Variants in TEX9 observed in about 807,000 individuals in gnomAD.
TEX9 encodes testis expressed 9.
A neutral mutation model predicts 59.6 loss-of-function variants in TEX9; 74 were observed. The ratio of observed to expected loss-of-function variants is 1.24; its 90% CI spans 1.03 to 1.51. The LOEUF (loss-of-function observed/expected upper bound fraction) is 1.51. Among genes scored for constraint, TEX9 ranks in the 40% most tolerant of loss-of-function variants. TEX9 has a pLI of 0.00. For missense variants in TEX9, 522 were observed against 447.8 expected (o/e 1.17, Z -1.49); for synonymous variants, 186 against 152.2 (o/e 1.22, Z -1.64).
intron 1 of TEX9, among the ~76,000 whole-genome samples, chr15:56,308,464 A>G (rs1451228979): frequency 6.6e-6 from 1 of 152,092 alleles, no homozygotes; most frequent in African/African-American, 2.4e-5. Context: ...TTAGACCTTT[A>G]TCAGATATAT....
At chr15:56,376,113 C>G (rs973950154) in intron 3 of TEX9, among the ~76,000 whole-genome samples, 20 of 149,248 alleles carry the variant, frequency 1.3e-4, no homozygotes, top group Non-Finnish European at 5.9e-5. Context: ...GGAGATATAC[C>G]TAATGCTAAA....
At chr15:56,406,648 G>A (rs2049094947) in intron 9 of TEX9, among the ~76,000 whole-genome samples, 1 of 152,112 alleles carries the variant, frequency 6.6e-6, no homozygotes, top group African/African-American at 2.4e-5. Flanking sequence ...TTCTAGAGGA[G>A]AAGTAGTAGT....
chr15:56,457,573 A>G, the TEX9 span, among the ~76,000 whole-genome samples: 1 of 152,200 alleles, frequency 6.6e-6, no homozygotes, highest in African/African-American at 2.4e-5. Flanking sequence ...GTGTAATCCC[A>G]GCACTTTGGG....
chr15:56,300,708 G>GGGAGA lies in TEX9; in HGVS notation c.-107+56431_-107+56432insGAGAG, dbSNP rs1160272154. Among the ~76,000 whole-genome samples, 234 of 102,660 alleles carry GGGAGA rather than the reference G, an allele frequency of 2.3e-3. 10 individuals are homozygous for GGGAGA. The East Asian group carries it at 0.033, about 14-fold the overall frequency. 67.3% of individuals were successfully genotyped at this position (102,660 alleles called of 152,430 possible). A position where few individuals can be genotyped will look rare whatever the true frequency, so the allele number is the denominator to read the frequency against. ...AGCAGAGAGAGAGAGAGAGAGAGAG[G>GGGAGA]GAGAGAGAGAGAGAGAGAGAGAGAG... On this transcript the variant is annotated intron_variant, in intron 1 of 5. Coordinates refer to the TEX9 transcript ENST00000560827.
intron 1 of TEX9, among the ~76,000 whole-genome samples, chr15:56,353,992 C>T (rs539795703): frequency 6.6e-6 from 1 of 152,098 alleles, no homozygotes. Flanking sequence ...ATTTTTCTCT[C>T]ATTTTGCTTG....
chr15:56,248,423 C>A (rs2043918607), intron 1 of TEX9, among the ~76,000 whole-genome samples: 1 of 152,182 alleles, frequency 6.6e-6, no homozygotes, highest in Non-Finnish European at 1.5e-5. Context: ...TTAACACTGT[C>A]ACTACCTGGC....
chr15:56,416,813 T>G (rs1486998100), intron 10 of TEX9, among the ~76,000 whole-genome samples: 1 of 151,882 alleles, frequency 6.6e-6, no homozygotes, highest in South Asian at 2.1e-4. Flanking sequence ...CTGGTAGAAT[T>G]TGGCTGTGAA....
intron 1 of TEX9, among the ~76,000 whole-genome samples, chr15:56,302,320 T>TAC (rs56766153): frequency 0.3 from 40,938 of 135,502 alleles, 6,056 homozygotes; most frequent in Middle Eastern, 0.38. Context: ...AGACACTGTT[T>TAC]ACACACACAC....
chr15:56,439,384 A>C (rs2050781431), intron 12 of TEX9, among the ~76,000 whole-genome samples: 1 of 152,080 alleles, frequency 6.6e-6, no homozygotes, highest in Non-Finnish European at 1.5e-5. Flanking sequence ...CCCAGCAAAA[A>C]ATATTTATAG....
At position 56,402,508 on chromosome 15, in the gene TEX9, CA is replaced by C. The variant is rs201766349; in HGVS notation, c.828+7679del. The stretch of plus-strand genomic sequence containing the variant: ...AGGCAATAATTAATAGCCTACCAAC[CA>C]AAAAGAATCCAGAACCAGATGGATT... On this transcript the variant is annotated intron_variant, in intron 9 of 12. Coordinates refer to ENST00000352903, the Ensembl canonical transcript of TEX9. Among the ~76,000 whole-genome samples, 648 of 152,168 alleles carry C rather than the reference CA, an allele frequency of 4.3e-3. 14 individuals carry two copies. In the East Asian group the frequency reaches 0.055, roughly 13 times the overall value.
At chr15:56,287,996 T>C (rs1234376592) in intron 1 of TEX9, among the ~76,000 whole-genome samples, 1 of 152,190 alleles carries the variant, frequency 6.6e-6, no homozygotes, top group Non-Finnish European at 1.5e-5. Flanking sequence ...AGTGCAGACA[T>C]CTCTTTGACA....
intron 1 of TEX9, among the ~76,000 whole-genome samples, chr15:56,275,334 C>G (rs1365622943): frequency 2.6e-5 from 4 of 152,214 alleles, no homozygotes; most frequent in Admixed American, 6.5e-5. Context: ...AGCATGATCT[C>G]TTTCCCACAA....
At chr15:56,250,965 A>G (rs1277955603) in intron 1 of TEX9, among the ~76,000 whole-genome samples, 1 of 152,214 alleles carries the variant, frequency 6.6e-6, no homozygotes, top group Non-Finnish European at 1.5e-5. Context: ...GGCTAGGCCA[A>G]GGAACCATGA....
At chr15:56,324,862 G>A (rs973441584) in intron 1 of TEX9, among the ~76,000 whole-genome samples, 1 of 152,160 alleles carries the variant, frequency 6.6e-6, no homozygotes, top group Non-Finnish European at 1.5e-5. Context: ...TATAGGTTGT[G>A]TGACTGCTTT....
At chr15:56,272,284 T>A (rs2044553765) in intron 1 of TEX9, among the ~76,000 whole-genome samples, 1 of 152,216 alleles carries the variant, frequency 6.6e-6, no homozygotes, top group African/African-American at 2.4e-5. Flanking sequence ...AATTCTCCCC[T>A]TGCTCCAACC....
At chr15:56,323,086 T>G (rs2045939336) in intron 1 of TEX9, 1 of 196,696 alleles carries the variant, frequency 5.1e-6, no homozygotes, top group Non-Finnish European at 1.1e-5. Context: ...TGGATGACTC[T>G]GCCTCATTGA....
At chr15:56,303,536 A>G (rs12904217) in intron 1 of TEX9, among the ~76,000 whole-genome samples, 2 of 152,170 alleles carry the variant, frequency 1.3e-5, no homozygotes, top group Admixed American at 6.5e-5. Flanking sequence ...AGATACAGCA[A>G]AATACGTACT....
intron 1 of TEX9, among the ~76,000 whole-genome samples, chr15:56,299,907 C>A (rs1438923175): frequency 6.6e-6 from 1 of 152,114 alleles, no homozygotes; most frequent in Admixed American, 6.5e-5. Context: ...GCAGTACTCA[C>A]CAGGAGCCTT....
At chr15:56,317,838 G>A (rs1318157367) in intron 1 of TEX9, among the ~76,000 whole-genome samples, 1 of 151,792 alleles carries the variant, frequency 6.6e-6, no homozygotes, top group African/African-American at 2.4e-5. Flanking sequence ...TTCTCTTATT[G>A]ATTTTTAATT....
Sources: allele counts gnomAD v4.1 joint callset (sites outside exome capture counted in the v4.1 genomes callset), GRCh38; gene constraint gnomAD v4.1.1; transcripts MANE v1.5; gene names NCBI Gene and HGNC (gene_info 2026-07-23, HGNC 2026-07-21).